The following MTUS1 variants were observed in gnomAD, a reference collection of about 807,000 sequenced individuals.
MTUS1 encodes microtubule-associated tumor suppressor 1.
In MTUS1, 109 loss-of-function variants were observed where a neutral mutation model predicts 120.8. That is an observed-to-expected ratio of 0.90 (90% CI 0.77 to 1.06). The LOEUF (loss-of-function observed/expected upper bound fraction) is 1.06, where lower values mean the gene tolerates loss of function less well. Ranked by LOEUF, MTUS1 falls within the 50% of genes least tolerant of loss-of-function variation. The pLI is 0.00. For missense variants in MTUS1, 2,210 were observed against 1,486.3 expected (o/e 1.49, Z -8.01); for synonymous variants, 737 against 550.5 (o/e 1.34, Z -4.74).
At chr8:17,778,817 T>C (rs1355829475) in intron 1 of MTUS1, among the ~76,000 whole-genome samples, 2 of 152,016 alleles carry the variant, frequency 1.3e-5, no homozygotes, top group Admixed American at 6.6e-5. Context: ...TCCAAAAATA[T>C]ATAAAAATAA....
intron 8 of MTUS1, among the ~76,000 whole-genome samples, chr8:17,657,217 C>G (rs756726167): frequency 5.9e-5 from 9 of 151,768 alleles, no homozygotes; most frequent in Non-Finnish European, 1.2e-4. Flanking sequence ...AAAAAAAACA[C>G]ATCTTAAAAG....
rs1156380221 is a variant in MTUS1, at chr8:17,645,041, TTTTC to T, written c.*881_*884del. On this transcript the variant is annotated 3_prime_UTR_variant, in exon 15 of 15. Coordinates refer to ENST00000693296, the MANE Select transcript of MTUS1 (RefSeq NM_001363059.2). Reference sequence around the variant, plus strand: ...TGGAAAAACCCATTGGTACTTCCCTTTTTCTTTCTTTACACAGTTAGTTAGTTAG... The same window carrying T: ...TGGAAAAACCCATTGGTACTTCCCTTTTTCTTTACACAGTTAGTTAGTTAG... 8.7e-6 allele frequency: 1 copy of T among 115,480 alleles called. No individual in the cohort carries two copies. Among genetic ancestry groups the T allele is most frequent in the Non-Finnish European group, 1.8e-5 (1 of 55,460 alleles). 7.2% of individuals were successfully genotyped at this position (115,480 alleles called of 1,614,324 possible). A position where few individuals can be genotyped will look rare whatever the true frequency, so the allele number is the denominator to read the frequency against.
At chr8:17,777,654 T>C (rs2131498886) in intron 1 of MTUS1, among the ~76,000 whole-genome samples, 1 of 152,264 alleles carries the variant, frequency 6.6e-6, no homozygotes, top group African/African-American at 2.4e-5. Flanking sequence ...ACTTGGTTCC[T>C]GAGAACCTGC....
At chr8:17,751,590 T>C (rs12335118) in intron 2 of MTUS1, among the ~76,000 whole-genome samples, 110,524 of 151,854 alleles carry the variant, frequency 0.73, 42,510 homozygotes, top group Middle Eastern at 0.89. Flanking sequence ...CCGGGGGCAG[T>C]GGCTCACGCC....
intron 6 of MTUS1, among the ~76,000 whole-genome samples, chr8:17,700,591 T>C (rs966294435): frequency 2.6e-5 from 4 of 151,520 alleles, no homozygotes; most frequent in African/African-American, 7.3e-5. Context: ...AACGATTAAG[T>C]ATATTGGAGC....
intron 3 of MTUS1, among the ~76,000 whole-genome samples, chr8:17,729,758 CA>C (rs140863862): frequency 4.0e-5 from 6 of 148,762 alleles, no homozygotes; most frequent in Non-Finnish European, 6.0e-5. Flanking sequence ...TAAGAATAGC[CA>C]AAAAAAAATT....
intron 1 of MTUS1, among the ~76,000 whole-genome samples, chr8:17,785,830 A>G (rs1381023275): frequency 6.6e-6 from 1 of 152,194 alleles, no homozygotes; most frequent in African/African-American, 2.4e-5. Context: ...CAAGGGAAGT[A>G]CTGAGAGGGC....
intron 8 of MTUS1, chr8:17,674,606 G>C (rs780340062): frequency 1.0e-5 from 10 of 986,304 alleles, no homozygotes; most frequent in Non-Finnish European, 1.2e-5. Context: ...GGTGGGTGTT[G>C]AGACATGTAA....
rs1043829136 is a variant in MTUS1, at chr8:17,783,010, G to A, written c.-155+18051C>T. ...GGAGAATCGCTTAAACCTGGGAGGC[G>A]GAGTTTGCAGTGAGCCAAGATCGTG... On this transcript the variant is annotated intron_variant, in intron 1 of 14. Coordinates refer to ENST00000693296, the MANE Select transcript of MTUS1 (RefSeq NM_001363059.2). Among the ~76,000 whole-genome samples the A allele has an allele frequency of 6.6e-5, 10 of 152,290 alleles. No individual in the cohort carries two copies. The East Asian group carries it at 1.2e-3, about 18-fold the overall frequency.
At chr8:17,650,217 T>C (rs1373989099) in intron 12 of MTUS1, among the ~76,000 whole-genome samples, 1 of 152,236 alleles carries the variant, frequency 6.6e-6, no homozygotes, top group Non-Finnish European at 1.5e-5. Flanking sequence ...AAACATGTTA[T>C]TGTATCAAGA....
chr8:17,733,079 G>A (rs1301769700), intron 3 of MTUS1, among the ~76,000 whole-genome samples: 2 of 152,096 alleles, frequency 1.3e-5, no homozygotes, highest in African/African-American at 4.8e-5. Flanking sequence ...CGCTGGGCAC[G>A]GTGCCTCACG....
intron 6 of MTUS1, chr8:17,697,252 C>A (rs751662974): frequency 1.9e-6 from 3 of 1,612,936 alleles, no homozygotes; most frequent in South Asian, 2.2e-5. Flanking sequence ...CTATGCGAGA[C>A]AGACCTGTGT....
intron 7 of MTUS1, among the ~76,000 whole-genome samples, chr8:17,683,758 T>C (rs185583651): frequency 3.0e-4 from 46 of 152,344 alleles, no homozygotes; most frequent in Non-Finnish European, 1.0e-4. Flanking sequence ...GTTTTCTCAA[T>C]GAATTTTAGC....
intron 1 of MTUS1, among the ~76,000 whole-genome samples, chr8:17,769,937 T>C (rs1211581557): frequency 9.8e-6 from 1 of 102,354 alleles, no homozygotes; most frequent in African/African-American, 3.6e-5. Flanking sequence ...CGGGGGGGGT[T>C]GGGGGGGAAG....
At chr8:17,653,628 G>T in intron 10 of MTUS1, 130 bp from the exon 11 acceptor site, 1 of 660,778 alleles carries the variant, frequency 1.5e-6, no homozygotes, top group Non-Finnish European at 2.5e-6. Flanking sequence ...TCTATAGTAT[G>T]CTTTTATGTA....
intron 1 of MTUS1, among the ~76,000 whole-genome samples, chr8:17,795,526 T>G (rs1185290622): frequency 6.6e-6 from 1 of 152,254 alleles, no homozygotes; most frequent in Non-Finnish European, 1.5e-5. Flanking sequence ...TAGTCTGTTC[T>G]TCCCTTTAGA....
upstream of MTUS1, chr8:17,801,418 G>C (rs1224960531): frequency 6.6e-6 from 1 of 151,822 alleles, no homozygotes; most frequent in Non-Finnish European, 1.5e-5. Flanking sequence ...CGCCGTCCCA[G>C]GGGACGGCCC....
chr8:17,688,010 A>G (rs930625842), intron 6 of MTUS1, among the ~76,000 whole-genome samples: 2 of 152,178 alleles, frequency 1.3e-5, no homozygotes, highest in African/African-American at 4.8e-5. Context: ...GTAACCACAT[A>G]CTAGCAGCTG....
In MTUS1 at chr8:17,753,942, G is replaced by T; in HGVS notation, c.1866C>A (p.Asn622Lys). ...AAACGGACCCGGTCTCGCATGCTGA[G>T]TTAGAAGAACTGGCTTTGTCAACAT... ...QEDVDKASSS[N>K]SACETGSVSA... is the part of the protein sequence containing the mutation. The change falls in exon 2 of 15, where the codon AAC becomes AAA. Residue 622 changes from asparagine (N) to lysine (K), a missense_variant. Physicochemically the swap from Asn to Lys is moderately conservative, Grantham distance 94. Coordinates refer to ENST00000693296, the MANE Select transcript of MTUS1 (RefSeq NM_001363059.2). The T allele has an allele frequency of 6.2e-7, 1 of 1,614,172 alleles. No homozygotes were observed. The highest frequency in any genetic ancestry group is 1.7e-5 in the Admixed American group (1 of 60,026).
Sources: allele counts gnomAD v4.1 joint callset (sites outside exome capture counted in the v4.1 genomes callset), GRCh38; gene constraint gnomAD v4.1.1; transcripts MANE v1.5; gene names NCBI Gene and HGNC (gene_info 2026-07-23, HGNC 2026-07-21).